The following KCNH1 variants were observed in gnomAD, a reference collection of about 807,000 sequenced individuals.
The protein encoded by KCNH1 is voltage-gated delayed rectifier potassium channel KCNH1.
In KCNH1, 27 loss-of-function variants were observed where a neutral mutation model predicts 69.2. The observed-to-expected ratio is 0.39, with a 90% CI of 0.29 to 0.54. KCNH1 has a LOEUF of 0.54. Ranked by LOEUF, KCNH1 falls within the 20% of genes least tolerant of loss-of-function variation. The pLI is 0.68. For synonymous variants in KCNH1, 456 were observed against 487.7 expected, an observed-to-expected ratio of 0.93 and a Z score of 0.86; for missense variants, 798 against 1,261.6, an observed-to-expected ratio of 0.63 and a Z score of 5.57.
intron 7 of KCNH1, among the ~76,000 whole-genome samples, chr1:210,888,074 G>A (rs1686655871): frequency 6.6e-6 from 1 of 152,140 alleles, no homozygotes; most frequent in Admixed American, 6.6e-5. Flanking sequence ...GACATCTACA[G>A]AACTCTCCAA....
At chr1:210,741,853 G>A (rs536817135) in intron 10 of KCNH1, among the ~76,000 whole-genome samples, 2 of 152,292 alleles carry the variant, frequency 1.3e-5, no homozygotes, top group South Asian at 4.1e-4. Context: ...CATCAGTGTG[G>A]GGATATTCTA....
chr1:210,727,069 T>C (rs1229924540), intron 10 of KCNH1, among the ~76,000 whole-genome samples: 1 of 152,220 alleles, frequency 6.6e-6, no homozygotes, highest in Non-Finnish European at 1.5e-5. Flanking sequence ...TGATTACTTA[T>C]GTCTTGATGG....
chr1:210,890,579 A>C (rs1025425910), intron 7 of KCNH1, among the ~76,000 whole-genome samples: 2 of 152,208 alleles, frequency 1.3e-5, no homozygotes, highest in Non-Finnish European at 2.9e-5. Flanking sequence ...TTGCACAGCA[A>C]AAGGAACTAT....
chr1:211,012,740 C>T (rs1015069041), intron 6 of KCNH1, among the ~76,000 whole-genome samples: 18 of 152,082 alleles, frequency 1.2e-4, no homozygotes, highest in African/African-American at 4.3e-4. Context: ...AATATATAAT[C>T]CAAAGAATGA....
At chr1:210,767,250 A>G (rs17188576) in intron 10 of KCNH1, among the ~76,000 whole-genome samples, 24,923 of 152,222 alleles carry the variant, frequency 0.16, 2,716 homozygotes, top group Non-Finnish European at 0.25. Flanking sequence ...ATGCACTTTG[A>G]AAACATGACT....
chr1:210,733,057 C>A (rs1355243858), intron 10 of KCNH1, among the ~76,000 whole-genome samples: 1 of 152,138 alleles, frequency 6.6e-6, no homozygotes, highest in Admixed American at 6.5e-5. Flanking sequence ...AGAAACAGAC[C>A]CCTTTCTCCT....
intron 7 of KCNH1, among the ~76,000 whole-genome samples, chr1:210,834,705 C>A (rs1031120390): frequency 3.3e-5 from 5 of 150,618 alleles, no homozygotes; most frequent in Non-Finnish European, 7.4e-5. Context: ...AAAAAGAACT[C>A]CTAATCCCCA....
intron 10 of KCNH1, among the ~76,000 whole-genome samples, chr1:210,687,812 T>C (rs1681437697): frequency 6.6e-6 from 1 of 152,106 alleles, no homozygotes; most frequent in South Asian, 2.1e-4. Context: ...GACAATGAGG[T>C]CTGTGCCACC....
chr1:210,895,134 T>G (rs1442613966), intron 7 of KCNH1, among the ~76,000 whole-genome samples: 3 of 151,874 alleles, frequency 2.0e-5, no homozygotes, highest in African/African-American at 7.2e-5. Context: ...TTATATATTT[T>G]GTTAAGCTTT....
intron 5 of KCNH1, among the ~76,000 whole-genome samples, chr1:211,049,324 T>C (rs1690150643): frequency 6.6e-6 from 1 of 152,198 alleles, no homozygotes. Context: ...ATTGTCAAGA[T>C]CTCCATTAAA....
chr1:210,850,136 G>A (rs1245410286), intron 7 of KCNH1, among the ~76,000 whole-genome samples: 1 of 152,150 alleles, frequency 6.6e-6, no homozygotes, highest in Non-Finnish European at 1.5e-5. Context: ...CTAAGTGCAA[G>A]GCTCATACAT....
At chr1:211,125,534 G>T (rs750509652) in intron 1 of KCNH1, among the ~76,000 whole-genome samples, 7 of 152,166 alleles carry the variant, frequency 4.6e-5, no homozygotes, top group Non-Finnish European at 2.9e-5. Flanking sequence ...TGAAGTTCTA[G>T]CCTAAAACAC....
At chr1:210,838,374 C>T (rs1450863369) in intron 7 of KCNH1, among the ~76,000 whole-genome samples, 1 of 151,710 alleles carries the variant, frequency 6.6e-6, no homozygotes, top group Non-Finnish European at 1.5e-5. Flanking sequence ...AATATAAAAC[C>T]CAAATATAAA....
At chr1:211,094,248 C>T (rs1249532138) in intron 3 of KCNH1, among the ~76,000 whole-genome samples, 6 of 152,222 alleles carry the variant, frequency 3.9e-5, no homozygotes, top group East Asian at 3.9e-4. Context: ...ATAGGGTTCA[C>T]GCTTCTGTGA....
intron 7 of KCNH1, among the ~76,000 whole-genome samples, chr1:210,877,123 A>G (rs1686393315): frequency 6.6e-6 from 1 of 151,770 alleles, no homozygotes; most frequent in Non-Finnish European, 1.5e-5. Context: ...ACCAATCAGG[A>G]CAAACAATTT....
intron 6 of KCNH1, among the ~76,000 whole-genome samples, chr1:210,972,926 CAAAAA>C (rs34391382): frequency 3.0e-5 from 4 of 134,202 alleles, no homozygotes; most frequent in Non-Finnish European, 6.4e-5. Context: ...CCAAACGTCT[CAAAAA>C]AAAAAAAAAA....
intron 1 of KCNH1, chr1:211,132,758 C>T (rs1691898744): frequency 6.6e-6 from 1 of 152,186 alleles, no homozygotes; most frequent in African/African-American, 2.4e-5. Flanking sequence ...CTCCTCATGT[C>T]TCCCTGGTAG....
At position 210,824,765 on chromosome 1, in the gene KCNH1, A is replaced by G. The variant is rs569812499; in HGVS notation, c.1463-20599T>C. Among the ~76,000 whole-genome samples, 6 of 152,274 alleles carry G rather than the reference A, an allele frequency of 3.9e-5. No individual in the cohort carries two copies. In the South Asian group the frequency reaches 1.2e-3, roughly 32 times the overall value. On this transcript the variant is annotated intron_variant, in intron 7 of 10. Transcript: ENST00000271751. ...ACCTTACAGTTTAGTTGTAGTGTGA[A>G]ATCTGAAACCGTATCAATGAACTTT...
At position 210,765,084 on chromosome 1, in the gene KCNH1, C is replaced by G. The variant is rs149849193; in HGVS notation, c.2112+10264G>C. On this transcript the variant is annotated intron_variant, in intron 10 of 10. Transcript: ENST00000271751. ...CATAAATGCAGCTGAAGGCCATTAT[C>G]CTAAGTGAACTAATGCACAAACAGA... 5.0e-3 allele frequency among the ~76,000 whole-genome samples: 757 copies of G among 152,276 alleles called. 6 individuals are homozygous for G. The highest frequency in any genetic ancestry group is 0.017 in the Middle Eastern group (5 of 294).
Sources: gnomAD v4.1 joint callset for allele counts (sites outside exome capture counted in the v4.1 genomes callset) on GRCh38, gnomAD v4.1.1 for gene constraint, MANE v1.5 for transcripts, NCBI Gene and HGNC (gene_info 2026-07-23, HGNC 2026-07-21) for gene names.